RAP1GDS1: variants seen among roughly 807,000 people sequenced by gnomAD.
RAP1GDS1 encodes the protein Rap1 GTPase-GDP dissociation stimulator 1, also known as RAP1, GTP-GDP dissociation stimulator 1.
RAP1GDS1 carries 35 observed loss-of-function variants against 71.1 expected under a neutral mutation model. The ratio of observed to expected loss-of-function variants is 0.49; its 90% CI spans 0.38 to 0.65. RAP1GDS1 has a LOEUF of 0.65. RAP1GDS1 is among the 30% of genes least tolerant of loss of function. The pLI is 0.00. For missense variants in RAP1GDS1, 663 were observed against 706.1 expected (o/e 0.94, Z 0.69); for synonymous variants, 229 against 243.1 (o/e 0.94, Z 0.54).
At chr4:98,362,902 A>G (rs1738956820) in intron 4 of RAP1GDS1, among the ~76,000 whole-genome samples, 1 of 152,182 alleles carries the variant, frequency 6.6e-6, no homozygotes, top group Non-Finnish European at 1.5e-5. Context: ...GATTGAACCA[A>G]CTATGTTTAG....
intron 2 of RAP1GDS1, among the ~76,000 whole-genome samples, chr4:98,305,105 G>A (rs996965637): frequency 2.6e-5 from 4 of 152,242 alleles, no homozygotes; most frequent in African/African-American, 7.2e-5. Flanking sequence ...GTAGCATGAC[G>A]CCTCTAGCTT....
chr4:98,414,315 C>T (rs1003032976), intron 7 of RAP1GDS1, among the ~76,000 whole-genome samples: 1 of 140,078 alleles, frequency 7.1e-6, no homozygotes, highest in African/African-American at 2.9e-5. Flanking sequence ...AATGGTAATG[C>T]CTAGGTTTTC....
intron 2 of RAP1GDS1, among the ~76,000 whole-genome samples, chr4:98,342,904 G>C (rs1008692738): frequency 1.3e-5 from 2 of 152,128 alleles, no homozygotes; most frequent in African/African-American, 4.8e-5. Flanking sequence ...TTTATAGTCT[G>C]ACTGTAAATA....
intron 13 of RAP1GDS1, among the ~76,000 whole-genome samples, chr4:98,435,526 T>C (rs533032432): frequency 2.0e-5 from 3 of 152,292 alleles, no homozygotes; most frequent in African/African-American, 7.2e-5. Flanking sequence ...GTCTTCACAC[T>C]GAGTAGGCTG....
chr4:98,333,143 A>C (rs1734230241), intron 2 of RAP1GDS1, among the ~76,000 whole-genome samples: 3 of 151,840 alleles, frequency 2.0e-5, no homozygotes, highest in African/African-American at 7.3e-5. Context: ...TCTCTTTCCT[A>C]CTTATTTTAC....
intron 2 of RAP1GDS1, among the ~76,000 whole-genome samples, chr4:98,334,233 A>G (rs1578482171): frequency 6.6e-6 from 1 of 152,292 alleles, no homozygotes; most frequent in Non-Finnish European, 1.5e-5. Flanking sequence ...GTGCATGTGC[A>G]TAAACACACC....
chr4:98,319,798 A>AAG (rs1560827059), intron 2 of RAP1GDS1, among the ~76,000 whole-genome samples: 5 of 151,002 alleles, frequency 3.3e-5, no homozygotes, highest in African/African-American at 7.3e-5. Context: ...AAAAAAAAAA[A>AAG]AGAGAGAAAT....
chr4:98,313,995 A>G (rs755472476), intron 2 of RAP1GDS1, among the ~76,000 whole-genome samples: 6 of 152,140 alleles, frequency 3.9e-5, no homozygotes, highest in East Asian at 1.9e-4. Flanking sequence ...TTAGCACACA[A>G]TGTTCTGTGA....
At chr4:98,332,903 A>G (rs1426658703) in intron 2 of RAP1GDS1, among the ~76,000 whole-genome samples, 1 of 152,152 alleles carries the variant, frequency 6.6e-6, no homozygotes, top group East Asian at 1.9e-4. Flanking sequence ...TTGATCACAC[A>G]CAATTTCTTT....
chr4:98,432,570 A>C (rs1354926102), intron 12 of RAP1GDS1, among the ~76,000 whole-genome samples: 1 of 152,192 alleles, frequency 6.6e-6, no homozygotes, highest in Non-Finnish European at 1.5e-5. Flanking sequence ...AAGTTTGATC[A>C]CTAAACAAGT....
rs1217670502 is a variant in RAP1GDS1, at chr4:98,441,987, C to T, written c.1697-3C>T. 1 of 1,612,762 alleles carries T rather than the reference C, an allele frequency of 6.2e-7. No individual in the cohort carries two copies. The highest frequency in any genetic ancestry group is 1.3e-5 in the African/African-American group (1 of 74,802). ...TCATATCTGTTATTTTTTTGTCTTCCAGAATGTCTACACAAGGAAGTACAG... is the reference window on the plus strand; with the variant it reads ...TCATATCTGTTATTTTTTTGTCTTCTAGAATGTCTACACAAGGAAGTACAG... On this transcript the variant is annotated splice_polypyrimidine_tract_variant and splice_region_variant and intron_variant, in intron 14 of 14. Coordinates refer to ENST00000408927, the MANE Select transcript of RAP1GDS1 (RefSeq NM_001100427.2).
chr4:98,350,599 G>C (rs1737027859), intron 3 of RAP1GDS1, among the ~76,000 whole-genome samples: 1 of 152,114 alleles, frequency 6.6e-6, no homozygotes, highest in Non-Finnish European at 1.5e-5. Context: ...CAGCACTTTG[G>C]GAGGCCAAGG....
At chr4:98,378,781 T>C (rs1741549594) in intron 4 of RAP1GDS1, among the ~76,000 whole-genome samples, 1 of 151,950 alleles carries the variant, frequency 6.6e-6, no homozygotes, top group African/African-American at 2.4e-5. Flanking sequence ...TCCTATATGA[T>C]GCCAATGAGA....
intron 2 of RAP1GDS1, among the ~76,000 whole-genome samples, chr4:98,339,946 C>T (rs6854095): frequency 0.099 from 14,938 of 150,590 alleles, 751 homozygotes; most frequent in East Asian, 0.19. Context: ...TTCTACCCAA[C>T]AGTTGTATTA....
chr4:98,378,071 G>GT (rs1371206912), intron 4 of RAP1GDS1, among the ~76,000 whole-genome samples: 1 of 151,786 alleles, frequency 6.6e-6, no homozygotes, highest in Admixed American at 6.6e-5. Flanking sequence ...GTTTTTTAAT[G>GT]TGTCTATTAG....
Position 98,419,956 on chromosome 4 carries a change from A to C in RAP1GDS1, c.1175-63A>C, listed in dbSNP as rs993450639. On this transcript the variant is annotated intron_variant, in intron 10 of 14. Coordinates refer to ENST00000408927, the MANE Select transcript of RAP1GDS1 (RefSeq NM_001100427.2). ...AAAGATACTTAATAAACCTGTATTG[A>C]ATTGAATGTTTATCAACAGGAATGC... is the stretch of plus-strand genomic sequence containing the variant. The C allele has an allele frequency of 2.1e-6, 3 of 1,419,202 alleles. No individual in the cohort carries two copies. The African/African-American group carries it at 4.4e-5, about 21-fold the overall frequency. The allele number at this position is 1,419,202 out of a possible 1,614,324, so 87.9% of individuals were successfully genotyped here. A position where few individuals can be genotyped will look rare whatever the true frequency, so the allele number is the denominator to read the frequency against.
chr4:98,313,342 T>A (rs1730533592), intron 2 of RAP1GDS1, among the ~76,000 whole-genome samples: 2 of 152,332 alleles, frequency 1.3e-5, no homozygotes, highest in South Asian at 4.1e-4. Flanking sequence ...ATGTTCATCT[T>A]ATCCAAAAAC....
rs188925418 is a variant in RAP1GDS1 at position 98,288,543 on chromosome 4, A to G, written c.5-4865A>G. Among the ~76,000 whole-genome samples the G allele has an allele frequency of 1.1e-4, 17 of 152,288 alleles. No individual in the cohort carries two copies. The East Asian group carries it at 3.1e-3, about 28-fold the overall frequency. ...ATGATTTATAATCCTTTGGGTATAT[A>G]CCCAGTAATGGGATTGCTGGGTCAA... On this transcript the variant is annotated intron_variant, in intron 1 of 14. Coordinates refer to ENST00000408927, the MANE Select transcript of RAP1GDS1 (RefSeq NM_001100427.2).
At chr4:98,304,641 G>C (rs1048307284) in intron 2 of RAP1GDS1, among the ~76,000 whole-genome samples, 12 of 152,226 alleles carry the variant, frequency 7.9e-5, no homozygotes, top group South Asian at 6.2e-4. Context: ...CATTCTGTAG[G>C]TGGTCAGTTC....
Sources: allele counts gnomAD v4.1 joint callset (sites outside exome capture counted in the v4.1 genomes callset), GRCh38; gene constraint gnomAD v4.1.1; transcripts MANE v1.5; gene names NCBI Gene and HGNC (gene_info 2026-07-23, HGNC 2026-07-21).